ADCY2: variants seen among roughly 807,000 people sequenced by gnomAD.
ADCY2 encodes the protein adenylate cyclase 2.
In ADCY2, 31 loss-of-function variants were observed where a neutral mutation model predicts 125.2. The ratio of observed to expected loss-of-function variants is 0.25; its 90% confidence interval spans 0.19 to 0.33. The LOEUF (loss-of-function observed/expected upper bound fraction) is 0.33, where lower values mean the gene tolerates loss of function less well. Ranked by LOEUF, ADCY2 falls within the 10% of genes least tolerant of loss-of-function variation. The pLI, the probability that ADCY2 is intolerant of heterozygous loss-of-function variation, is 1.00. For synonymous variants in ADCY2, 512 were observed against 548.4 expected (o/e 0.93, Z 0.93); for missense variants, 904 against 1,418.2 (o/e 0.64, Z 5.82).
chr5:7,822,227 A>G (rs1013345747), intron 24 of ADCY2, among the ~76,000 whole-genome samples: 8 of 152,230 alleles, frequency 5.3e-5, no homozygotes, highest in African/African-American at 1.9e-4. Context: ...AACTTTAAAT[A>G]TATTTATAGC....
chr5:7,762,127 A>G (rs1160039471), intron 16 of ADCY2, among the ~76,000 whole-genome samples: 3 of 152,230 alleles, frequency 2.0e-5, no homozygotes. Flanking sequence ...AAGGGGGAGA[A>G]GAAATCAGAG....
chr5:7,697,344 T>A (rs1031953901), intron 6 of ADCY2, among the ~76,000 whole-genome samples: 1 of 152,162 alleles, frequency 6.6e-6, no homozygotes, highest in Non-Finnish European at 1.5e-5. Flanking sequence ...GGTTTATCCA[T>A]CATTGGTCAG....
chr5:7,538,032 C>A (rs1734875190), intron 3 of ADCY2, among the ~76,000 whole-genome samples: 1 of 152,198 alleles, frequency 6.6e-6, no homozygotes, highest in Admixed American at 6.5e-5. Flanking sequence ...AGTCATAATT[C>A]TCCTCTCACC....
chr5:7,689,457 T>A (rs192854779), intron 4 of ADCY2, among the ~76,000 whole-genome samples: 17 of 152,332 alleles, frequency 1.1e-4, no homozygotes, highest in African/African-American at 4.1e-4. Context: ...AGAAACTAGC[T>A]TCTATACACT....
intron 2 of ADCY2, among the ~76,000 whole-genome samples, chr5:7,475,207 G>A (rs1041518561): frequency 4.6e-5 from 7 of 152,272 alleles, no homozygotes; most frequent in South Asian, 4.1e-4. Context: ...TGCAAAGACC[G>A]GAAGTGCGAA....
At chr5:7,575,788 G>A (rs965552483) in intron 3 of ADCY2, among the ~76,000 whole-genome samples, 8 of 151,892 alleles carry the variant, frequency 5.3e-5, no homozygotes, top group African/African-American at 1.5e-4. Flanking sequence ...TTAACAAAAT[G>A]TTCTAACACC....
intron 3 of ADCY2, among the ~76,000 whole-genome samples, chr5:7,551,701 G>A (rs1735348020): frequency 6.6e-6 from 1 of 152,178 alleles, no homozygotes; most frequent in Admixed American, 6.5e-5. Flanking sequence ...ACCAGTATCA[G>A]TGTTAATCAG....
intron 14 of ADCY2, among the ~76,000 whole-genome samples, chr5:7,739,917 T>C (rs1742362134): frequency 6.6e-6 from 1 of 151,978 alleles, no homozygotes; most frequent in Admixed American, 6.5e-5. Context: ...GTTTTAAAAA[T>C]TTTTCCCACA....
chr5:7,820,848 A>G (rs946720729), intron 24 of ADCY2, among the ~76,000 whole-genome samples, 159 bp downstream of exon 24: 2 of 152,234 alleles, frequency 1.3e-5, no homozygotes, highest in African/African-American at 2.4e-5. Context: ...GGGAAATGTC[A>G]GTTTCTGTAT....
chr5:7,778,492 T>C (rs1743812882), intron 18 of ADCY2, among the ~76,000 whole-genome samples: 1 of 152,194 alleles, frequency 6.6e-6, no homozygotes, highest in Non-Finnish European at 1.5e-5. Flanking sequence ...ATAAATACGG[T>C]GTTTAAGCAG....
chr5:7,608,417 A>T lies in ADCY2; in HGVS notation c.571-17750A>T, dbSNP rs139434237. 1.0e-3 allele frequency among the ~76,000 whole-genome samples: 153 copies of T among 152,186 alleles called. 2 individuals are homozygous for T. Among genetic ancestry groups the T allele is most frequent in the African/African-American group, 3.4e-3 (141 of 41,528 alleles). On this transcript the variant is annotated intron_variant, in intron 3 of 24. Coordinates refer to ENST00000338316, the MANE Select transcript of ADCY2 (RefSeq NM_020546.3). ...ACAGGGAAACTTTGTCTCTACTAAA[A>T]ATACAAAAGTTAGCCGGGCGTGGTG...
intron 2 of ADCY2, among the ~76,000 whole-genome samples, chr5:7,499,788 CAAAG>C (rs1561059262): frequency 6.7e-6 from 1 of 148,282 alleles, no homozygotes; most frequent in African/African-American, 2.5e-5. Context: ...AATGAAAAAG[CAAAG>C]AAAACTGCCC....
rs202026745 is a variant in ADCY2 at position 7,730,008 on chromosome 5, G to A, written c.1871+2747G>A. 1.4e-4 allele frequency among the ~76,000 whole-genome samples: 22 copies of A among 152,138 alleles called. No homozygotes were observed. In the East Asian group the frequency reaches 4.3e-3, roughly 29 times the overall value. On this transcript the variant is annotated intron_variant, in intron 14 of 24. Coordinates refer to ENST00000338316, the MANE Select transcript of ADCY2 (RefSeq NM_020546.3). ...AAGTAGTACACATTGTACCCAATAT[G>A]TAGTTGTTTATCCTGCACTCCTCTC...
chr5:7,412,069 C>T (rs1401496178), intron 1 of ADCY2, among the ~76,000 whole-genome samples: 4 of 145,686 alleles, frequency 2.7e-5, no homozygotes, highest in African/African-American at 7.6e-5. Flanking sequence ...AGCGAGACTC[C>T]GTCTCAAAAA....
chr5:7,658,246 A>G (rs189648685), intron 4 of ADCY2: 103 of 152,312 alleles, frequency 6.8e-4, no homozygotes, highest in African/African-American at 2.5e-3. Context: ...CTGTTTCCAT[A>G]TAGTTGCTGT....
At chr5:7,504,201 T>C (rs1743711331) in intron 2 of ADCY2, among the ~76,000 whole-genome samples, 1 of 152,184 alleles carries the variant, frequency 6.6e-6, no homozygotes, top group Non-Finnish European at 1.5e-5. Context: ...TGCTCACGGC[T>C]ACCTCTTAAA....
At chr5:7,420,284 C>CTAA (rs1164886935) in intron 2 of ADCY2, among the ~76,000 whole-genome samples, 1 of 152,100 alleles carries the variant, frequency 6.6e-6, no homozygotes, top group Non-Finnish European at 1.5e-5. Flanking sequence ...AGCTCTTAAG[C>CTAA]CCTCAGTGAG....
At chr5:7,460,519 C>T (rs1741879079) in intron 2 of ADCY2, among the ~76,000 whole-genome samples, 1 of 152,076 alleles carries the variant, frequency 6.6e-6, no homozygotes, top group Admixed American at 6.6e-5. Flanking sequence ...AATTAAAACT[C>T]TTGAGTTATG....
chr5:7,413,864 T>A lies in ADCY2; in HGVS notation c.211-709T>A, dbSNP rs1579418644. On this transcript the variant is annotated intron_variant, in intron 1 of 24. Coordinates refer to ENST00000338316, the MANE Select transcript of ADCY2 (RefSeq NM_020546.3). ...TAAGGAAGAGATAAATAAAAAAAAATTGTGTGTCAAAATAAATGTAAAGAA... is the reference window on the plus strand; with the variant it reads ...TAAGGAAGAGATAAATAAAAAAAAAATGTGTGTCAAAATAAATGTAAAGAA... 2.6e-5 allele frequency among the ~76,000 whole-genome samples: 4 copies of A among 152,220 alleles called. No individual in the cohort carries two copies. In the South Asian group the frequency reaches 8.3e-4, roughly 32 times the overall value.
Sources: allele counts gnomAD v4.1 joint callset (sites outside exome capture counted in the v4.1 genomes callset), GRCh38; gene constraint gnomAD v4.1.1; transcripts MANE v1.5; gene names NCBI Gene and HGNC (gene_info 2026-07-23, HGNC 2026-07-21).